EFNA2: variants seen among roughly 807,000 people sequenced by gnomAD.
EFNA2 encodes the protein ephrin A2.
A neutral mutation model predicts 19.7 loss-of-function variants in EFNA2; 18 were observed. That is an observed-to-expected ratio of 0.91 (90% CI 0.63 to 1.35). The LOEUF is 1.35. Ranked by LOEUF, EFNA2 falls within the 40% of genes most tolerant of loss-of-function variation. The pLI, the probability that EFNA2 is intolerant of heterozygous loss-of-function variation, is 0.00. For missense variants in EFNA2, 303 were observed against 296.0 expected (o/e 1.02, Z -0.17); for synonymous variants, 187 against 137.8 (o/e 1.36, Z -2.50).
At position 1,287,106 on chromosome 19, in the gene EFNA2, C is replaced by A. The variant is rs920318095; in HGVS notation, c.140+798C>A. Among the ~76,000 whole-genome samples, 2 of 152,228 alleles carry A rather than the reference C, an allele frequency of 1.3e-5. No individual in the cohort carries two copies. Among genetic ancestry groups the A allele is most frequent in the African/African-American group, 4.8e-5 (2 of 41,456 alleles). Reference sequence around the variant, plus strand: ...CTGCTGCAGGCCCCCTTGTTTTGAACCAGGTCCGGGCCAGGCACAACGTGG... The same window carrying A: ...CTGCTGCAGGCCCCCTTGTTTTGAAACAGGTCCGGGCCAGGCACAACGTGG... On this transcript the variant is annotated intron_variant, in intron 1 of 3. Coordinates refer to ENST00000215368, the MANE Select transcript of EFNA2 (RefSeq NM_001405.4). The surrounding 1 kb of genome is among the most constrained non-coding windows in gnomAD (Gnocchi z 6.2).
At chr19:1,285,484 A>G (rs1168606659), upstream of EFNA2, among the ~76,000 whole-genome samples, 1 of 151,774 alleles carries the variant, frequency 6.6e-6, no homozygotes, top group Non-Finnish European at 1.5e-5. The surrounding 1 kb of genome is among the most constrained non-coding windows in gnomAD (Gnocchi z 4.1). Flanking sequence ...CCCCTCTGAA[A>G]CTCTGCCCCG....
Position 1,286,942 on chromosome 19 carries a change from C to T in EFNA2, c.140+634C>T, listed in dbSNP as rs780624051. The stretch of plus-strand genomic sequence containing the variant: ...GCAGTGGGATGGAGTCCTCTCTTGT[C>T]CTCTGGGCGCTGACCAGGAAACTGA... On this transcript the variant is annotated intron_variant, in intron 1 of 3. Transcript: ENST00000215368. This position sits in a 1 kb window ranked among gnomAD's most constrained non-coding sequence, Gnocchi z 5.6. Among the ~76,000 whole-genome samples, 1 of 152,148 alleles carries T rather than the reference C, an allele frequency of 6.6e-6. No homozygotes were observed. The highest frequency in any genetic ancestry group is 2.4e-5 in the African/African-American group (1 of 41,432).
Position 1,300,241 on chromosome 19 carries a change from A to ATTTTTTTTTT in EFNA2, c.*322_*331dup. The ATTTTTTTTTT allele has an allele frequency of 2.3e-5, 1 of 42,650 alleles. No homozygotes were observed. Among genetic ancestry groups the ATTTTTTTTTT allele is most frequent in the Non-Finnish European group, 4.5e-5 (1 of 22,116 alleles). 2.6% of individuals were successfully genotyped at this position (42,650 alleles called of 1,614,324 possible). A position where few individuals can be genotyped will look rare whatever the true frequency, so the allele number is the denominator to read the frequency against. ...CGGAGAACCCGGGAACCTCTTGGCG[A>ATTTTTTTTTT]TTTTTTTTTTTTTTTTTTTTTTTTT... is the stretch of plus-strand genomic sequence containing the variant. On this transcript the variant is annotated 3_prime_UTR_variant, in exon 4 of 4. Coordinates refer to ENST00000215368, the MANE Select transcript of EFNA2 (RefSeq NM_001405.4).
intron 1 of EFNA2, among the ~76,000 whole-genome samples, chr19:1,291,640 C>A (rs1757677485): frequency 6.6e-6 from 1 of 152,254 alleles, no homozygotes; most frequent in Non-Finnish European, 1.5e-5. Flanking sequence ...ACCTGCCCAC[C>A]CACGGGGTCC....
rs1231250492 is a variant in EFNA2, at chr19:1,296,031, AG to A, written c.454+179del. On this transcript the variant is annotated intron_variant, in intron 2 of 3. Coordinates refer to ENST00000215368, the MANE Select transcript of EFNA2 (RefSeq NM_001405.4). This position sits in a 1 kb window ranked among gnomAD's most constrained non-coding sequence, Gnocchi z 4.4. ...GTGGGCGGGGCCGCGGAATGGGGCC[AG>A]GGGGGAGTGGGCGGGGCCGCGGAGT... Among the ~76,000 whole-genome samples the A allele has an allele frequency of 2.0e-3, 22 of 11,250 alleles. No individual in the cohort carries two copies. The highest frequency in any genetic ancestry group is 0.029 in the Middle Eastern group (1 of 34). The allele number at this position is 11,250 out of a possible 152,430, so 7.4% of individuals were successfully genotyped here.
chr19:1,290,969 C>T (rs966279077), intron 1 of EFNA2, among the ~76,000 whole-genome samples: 5 of 152,218 alleles, frequency 3.3e-5, no homozygotes, highest in African/African-American at 9.6e-5. Flanking sequence ...AGAGACTCAG[C>T]GGCGTGTCCC....
intron 1 of EFNA2, among the ~76,000 whole-genome samples, chr19:1,291,878 C>A (rs2081493206): frequency 6.6e-6 from 1 of 152,362 alleles, no homozygotes; most frequent in Admixed American, 6.5e-5. Context: ...GAGCCTCTGC[C>A]TGGGGCCTGG....
chr19:1,286,198 G>C lies in EFNA2; in HGVS notation c.30G>C (p.Pro10=). 1 of 1,051,048 alleles carries C rather than the reference G, an allele frequency of 9.5e-7. No homozygotes were observed. The highest frequency in any genetic ancestry group is 2.9e-5 in the South Asian group (1 of 34,654). The allele number at this position is 1,051,048 out of a possible 1,614,324, so 65.1% of individuals were successfully genotyped here. The part of the protein sequence containing the change: MAPAQRPLL[P]LLLLLLPLPP... ...CGCCCGCGCAGCGCCCGCTGCTCCCGCTGCTGCTCCTGCTGTTACCGCTGC... is the reference window on the plus strand; with the variant it reads ...CGCCCGCGCAGCGCCCGCTGCTCCCCCTGCTGCTCCTGCTGTTACCGCTGC... Residue 10 remains proline (P), a synonymous_variant, in exon 1 of 4, where the codon CCG becomes CCC. Coordinates refer to ENST00000215368, the MANE Select transcript of EFNA2 (RefSeq NM_001405.4). The surrounding 1 kb of genome is among the most constrained non-coding windows in gnomAD (Gnocchi z 5.6).
chr19:1,284,865 G>A (rs900831727), upstream of EFNA2, among the ~76,000 whole-genome samples: 1 of 152,204 alleles, frequency 6.6e-6, no homozygotes, highest in African/African-American at 2.4e-5. The surrounding 1 kb of genome is among the most constrained non-coding windows in gnomAD (Gnocchi z 5.3). Context: ...TCTGGGCATC[G>A]CCAGCAAAGT....
chr19:1,292,168 A>G (rs2081494672), intron 1 of EFNA2, among the ~76,000 whole-genome samples: 1 of 152,146 alleles, frequency 6.6e-6, no homozygotes, highest in African/African-American at 2.4e-5. Context: ...TCCCCCCTGC[A>G]GGCGCCACCC....
chr19:1,285,690 G>A (rs1195715705), upstream of EFNA2, among the ~76,000 whole-genome samples: 1 of 151,574 alleles, frequency 6.6e-6, no homozygotes, highest in African/African-American at 2.4e-5. This position sits in a 1 kb window ranked among gnomAD's most constrained non-coding sequence, Gnocchi z 4.1. Flanking sequence ...CCACGCGGAT[G>A]CCGGCGGGGG....
rs1268046699 is a variant in EFNA2 at position 1,286,471 on chromosome 19, C to T, written c.140+163C>T. On this transcript the variant is annotated intron_variant, in intron 1 of 3. Transcript: ENST00000215368. The surrounding 1 kb of genome is among the most constrained non-coding windows in gnomAD (Gnocchi z 5.6). The stretch of plus-strand genomic sequence containing the variant: ...GAGCCCCCCAGGGAGCTCCGGCCCC[C>T]CGGAGTTTGGGGGACTCGCCCTTTT... Among the ~76,000 whole-genome samples the T allele has an allele frequency of 6.6e-5, 10 of 151,262 alleles. No homozygotes were observed. The highest frequency in any genetic ancestry group is 1.3e-4 in the Non-Finnish European group (9 of 67,730).
rs2081537880 is a variant in EFNA2 at position 1,300,545 on chromosome 19, T to A, written c.*600T>A. Among the ~76,000 whole-genome samples, 1 of 151,194 alleles carries A rather than the reference T, an allele frequency of 6.6e-6. No homozygotes were observed. The highest frequency in any genetic ancestry group is 6.6e-5 in the Admixed American group (1 of 15,204). On this transcript the variant is annotated 3_prime_UTR_variant, in exon 4 of 4. Coordinates refer to ENST00000215368, the MANE Select transcript of EFNA2 (RefSeq NM_001405.4). ...TCGTGGGGGAACACAGCCGCTCCCC[T>A]CTGCTCTGCACCCCACTCGTGGGGG...
intron 3 of EFNA2, 114 bp from the exon 4 acceptor site, chr19:1,299,710 G>A: frequency 7.2e-7 from 1 of 1,397,026 alleles, no homozygotes; most frequent in Non-Finnish European, 9.4e-7. Flanking sequence ...CAGAGGGCCT[G>A]CCTGGTGGGG....
intron 1 of EFNA2, among the ~76,000 whole-genome samples, chr19:1,291,197 C>G (rs1376991976): frequency 6.6e-6 from 1 of 152,192 alleles, no homozygotes; most frequent in African/African-American, 2.4e-5. Context: ...GCACTCTGTA[C>G]CAGGGCCACC....
chr19:1,286,250 G>T lies in EFNA2; in HGVS notation c.82G>T (p.Asp28Tyr). ...LPPPPFARAE[D>Y]AARANSDRYA... ...GCCGCCGCCCTTCGCGCGCGCCGAG[G>T]ACGCCGCCCGCGCCAACTCGGACCG... Residue 28 changes from aspartate to tyrosine, a missense_variant, in exon 1 of 4, where the codon GAC becomes TAC. Asp to Tyr is a radical substitution (Grantham distance 160). Transcript: ENST00000215368. The surrounding 1 kb of genome is among the most constrained non-coding windows in gnomAD (Gnocchi z 5.6). The T allele has an allele frequency of 8.9e-7, 1 of 1,129,696 alleles. No individual in the cohort carries two copies. The highest frequency in any genetic ancestry group is 1.1e-6 in the Non-Finnish European group (1 of 907,586). The allele number at this position is 1,129,696 out of a possible 1,614,324, so 70.0% of individuals were successfully genotyped here. A position where few individuals can be genotyped will look rare whatever the true frequency, so the allele number is the denominator to read the frequency against.
At position 1,296,094 on chromosome 19, in the gene EFNA2, G is replaced by T. The variant is rs951859832; in HGVS notation, c.454+236G>T. On this transcript the variant is annotated intron_variant, in intron 2 of 3. Transcript: ENST00000215368. This position sits in a 1 kb window ranked among gnomAD's most constrained non-coding sequence, Gnocchi z 4.4. ...CGGTGCTGGCCACTGACCCACCCCG[G>T]TCACTGACCCCCTCCAGATGTCAAG... Among the ~76,000 whole-genome samples the T allele has an allele frequency of 4.6e-5, 7 of 152,212 alleles. No homozygotes were observed. The East Asian group carries it at 1.3e-3, about 29-fold the overall frequency.
At chr19:1,293,545 T>C (rs1194515013) in intron 1 of EFNA2, among the ~76,000 whole-genome samples, 2 of 152,090 alleles carry the variant, frequency 1.3e-5, no homozygotes, top group Non-Finnish European at 2.9e-5. Context: ...AGGGTTCAAA[T>C]CCAGACGCAA....
At chr19:1,290,891 C>G (rs1045348607) in intron 1 of EFNA2, among the ~76,000 whole-genome samples, 1 of 152,198 alleles carries the variant, frequency 6.6e-6, no homozygotes, top group African/African-American at 2.4e-5. Flanking sequence ...ACTCTGTGGC[C>G]GAGTCGGTCC....
Sources: gnomAD v4.1 joint callset for allele counts (sites outside exome capture counted in the v4.1 genomes callset) on GRCh38, gnomAD v4.1.1 for gene constraint, Gnocchi (gnomAD v3.1) non-coding constraint, MANE v1.5 for transcripts, NCBI Gene and HGNC (gene_info 2026-07-23, HGNC 2026-07-21) for gene names.